Variants in RBM6 observed in about 807,000 individuals in gnomAD.
RBM6 encodes the protein RNA-binding protein 6.
In RBM6, 23 loss-of-function variants were observed where a neutral mutation model predicts 140.4. That is an observed-to-expected ratio of 0.16 (90% CI 0.12 to 0.23). The LOEUF (loss-of-function observed/expected upper bound fraction) is 0.23, where lower values mean the gene tolerates loss of function less well. Among genes scored for constraint, RBM6 ranks in the 10% least tolerant of loss-of-function variants. RBM6 has a pLI of 1.00. For synonymous variants in RBM6, 439 were observed against 475.6 expected, an observed-to-expected ratio of 0.92 and a Z score of 1.00; for missense variants, 1,139 against 1,386.7, an observed-to-expected ratio of 0.82 and a Z score of 2.84.
intron 6 of RBM6, among the ~76,000 whole-genome samples, chr3:50,011,843 T>C (rs1161418683): frequency 6.6e-6 from 1 of 151,674 alleles, no homozygotes; most frequent in African/African-American, 2.4e-5. Flanking sequence ...TTCTTTCTTT[T>C]TTTTTTTTTC....
intron 1 of RBM6, among the ~76,000 whole-genome samples, chr3:49,961,433 T>G (rs2084277060): frequency 6.6e-6 from 1 of 152,168 alleles, no homozygotes; most frequent in African/African-American, 2.4e-5. Flanking sequence ...TCTGCCTGCC[T>G]TGGCCTCCCA....
intron 1 of RBM6, among the ~76,000 whole-genome samples, chr3:49,947,088 A>G (rs2083520687): frequency 6.7e-6 from 1 of 150,280 alleles, no homozygotes; most frequent in Admixed American, 6.6e-5. Flanking sequence ...ATACAAAAAA[A>G]AAAAAAAAAA....
intron 6 of RBM6, among the ~76,000 whole-genome samples, chr3:50,031,217 C>T (rs1201770309): frequency 6.6e-6 from 1 of 152,122 alleles, no homozygotes; most frequent in Non-Finnish European, 1.5e-5. Flanking sequence ...TTTGACCCAG[C>T]CATCCCATTA....
chr3:50,064,287 AGT>A (rs1018774631), intron 15 of RBM6, among the ~76,000 whole-genome samples: 1 of 151,710 alleles, frequency 6.6e-6, no homozygotes, highest in African/African-American at 2.4e-5. Flanking sequence ...GAGGAGAGAG[AGT>A]GTGTGTGTGT....
intron 15 of RBM6, among the ~76,000 whole-genome samples, chr3:50,063,559 T>G (rs2090016096): frequency 6.8e-6 from 1 of 147,190 alleles, no homozygotes; most frequent in South Asian, 2.1e-4. Context: ...ATTGCGCCAC[T>G]GCACTCCAGC....
intron 5 of RBM6, among the ~76,000 whole-genome samples, chr3:49,979,028 A>G (rs1013654627): frequency 1.1e-4 from 16 of 152,204 alleles, no homozygotes; most frequent in African/African-American, 3.6e-4. Context: ...GCACCTAACA[A>G]CATGGATGAA....
chr3:50,001,039 G>A (rs1344793696), intron 6 of RBM6, among the ~76,000 whole-genome samples: 1 of 152,148 alleles, frequency 6.6e-6, no homozygotes, highest in Admixed American at 6.6e-5. Flanking sequence ...TTGACCATTT[G>A]TTCAGTGTCC....
chr3:50,056,277 AATAG>A (rs1467121878), intron 8 of RBM6, among the ~76,000 whole-genome samples: 1 of 152,044 alleles, frequency 6.6e-6, no homozygotes, highest in Non-Finnish European at 1.5e-5. Context: ...CCAGCAAATG[AATAG>A]ATAGTTTTTT....
At chr3:50,025,005 A>T (rs530893020) in intron 6 of RBM6, among the ~76,000 whole-genome samples, 2 of 149,354 alleles carry the variant, frequency 1.3e-5, no homozygotes, top group Non-Finnish European at 3.0e-5. Context: ...AACAAAAAAC[A>T]AAAAACAAGA....
rs1044302276 is a variant in RBM6 at position 50,015,727 on chromosome 3, C to T, written c.1557+16214C>T. On this transcript the variant is annotated intron_variant, in intron 6 of 20. Transcript: ENST00000266022. ...GATTACAGGCGTGAGCCACCGCTCC[C>T]GGCCAATTTTTATTTTATTTTTAAT... Among the ~76,000 whole-genome samples, 140 of 152,246 alleles carry T rather than the reference C, an allele frequency of 9.2e-4. 1 individual carries two copies. The highest frequency in any genetic ancestry group is 3.1e-3 in the African/African-American group (129 of 41,562).
At chr3:49,958,226 C>A (rs2084095960) in intron 1 of RBM6, among the ~76,000 whole-genome samples, 1 of 151,148 alleles carries the variant, frequency 6.6e-6, no homozygotes, top group South Asian at 2.1e-4. Flanking sequence ...GAGATCGAGA[C>A]CATCCTGGTT....
At chr3:50,058,160 C>T (rs771926994) in intron 9 of RBM6, among the ~76,000 whole-genome samples, 157 bp downstream of exon 9, 1 of 152,188 alleles carries the variant, frequency 6.6e-6, no homozygotes, top group Non-Finnish European at 1.5e-5. Context: ...CCTTCCTGTA[C>T]TGCTTAAAGG....
intron 11 of RBM6, 59 bp downstream of exon 11, chr3:50,059,805 C>T (rs1329340580): frequency 7.4e-7 from 1 of 1,344,032 alleles, no homozygotes; most frequent in African/African-American, 1.5e-5. Flanking sequence ...TGAGAGGAAA[C>T]TCCTTTTCCT....
chr3:49,987,806 T>C (rs1331137910), intron 5 of RBM6, among the ~76,000 whole-genome samples: 1 of 152,050 alleles, frequency 6.6e-6, no homozygotes, highest in Admixed American at 6.6e-5. Context: ...GCCCAGCTAA[T>C]TTTTGTATTT....
At chr3:50,018,841 G>A (rs768225863) in intron 6 of RBM6, among the ~76,000 whole-genome samples, 3 of 151,706 alleles carry the variant, frequency 2.0e-5, no homozygotes, top group Non-Finnish European at 4.4e-5. Context: ...CGTCCACCTC[G>A]GCCTCCCAAA....
intron 6 of RBM6, among the ~76,000 whole-genome samples, chr3:50,026,973 A>G (rs2087876973): frequency 6.6e-6 from 1 of 152,034 alleles, no homozygotes; most frequent in Non-Finnish European, 1.5e-5. Flanking sequence ...GCATCCCTAA[A>G]AGTTTATTTG....
At chr3:50,056,503 C>G (rs2089706188) in intron 8 of RBM6, among the ~76,000 whole-genome samples, 1 of 152,032 alleles carries the variant, frequency 6.6e-6, no homozygotes. Context: ...ACTGTGTTAG[C>G]CAGGATGGTC....
At chr3:50,009,091 G>C (rs2086718454) in intron 6 of RBM6, among the ~76,000 whole-genome samples, 1 of 152,188 alleles carries the variant, frequency 6.6e-6, no homozygotes, top group African/African-American at 2.4e-5. Flanking sequence ...TTCAGAGTTG[G>C]CTGAAAGTGG....
chr3:50,025,409 C>T (rs1420342529), intron 6 of RBM6, among the ~76,000 whole-genome samples: 7 of 151,124 alleles, frequency 4.6e-5, no homozygotes, highest in Non-Finnish European at 1.0e-4. Flanking sequence ...GGTGACAGAG[C>T]GAGACTCTAT....
Sources: allele counts gnomAD v4.1 joint callset (sites outside exome capture counted in the v4.1 genomes callset), GRCh38; gene constraint gnomAD v4.1.1; transcripts MANE v1.5; gene names NCBI Gene and HGNC (gene_info 2026-07-23, HGNC 2026-07-21).